Variants in NLRP10 observed in about 807,000 individuals in gnomAD.
The protein encoded by NLRP10 is NLR family pyrin domain containing 10, also known as NACHT, LRR and PYD domains-containing protein 10.
NLRP10 carries 7 observed loss-of-function variants against 8.2 expected under a neutral mutation model. That is an observed-to-expected ratio of 0.85 (90% CI 0.48 to 1.60). The LOEUF is 1.60. Ranked by LOEUF, NLRP10 falls within the 40% of genes most tolerant of loss-of-function variation. The probability of loss-of-function intolerance (pLI) is 0.00; values close to 1 mark genes in which losing one functional copy is unlikely to be tolerated. For synonymous variants in NLRP10, 338 were observed against 314.0 expected (o/e 1.08, Z -0.81); for missense variants, 814 against 776.3 (o/e 1.05, Z -0.58).
intron 1 of NLRP10, among the ~76,000 whole-genome samples, chr11:7,964,450 C>T (rs916774479): frequency 6.6e-6 from 1 of 152,198 alleles, no homozygotes; most frequent in Non-Finnish European, 1.5e-5. Flanking sequence ...GAAGAGGAAC[C>T]GCCACCTGTG....
chr11:7,961,221 T>G lies in NLRP10; in HGVS notation c.391A>C (p.Ser131Arg). Residue 131 changes from serine to arginine, a missense_variant, in exon 3 of 3, where the codon AGC becomes CGC. By Grantham distance (110) the Ser-to-Arg change is moderately radical (BLOSUM62 -1). Coordinates refer to ENST00000691676, the MANE Select transcript of NLRP10 (RefSeq NM_001391958.1). Reference protein sequence around the residue: ...YNQVLLVAKPSSESPESLACP... With the variant: ...YNQVLLVAKPRSESPESLACP... ...GCAAGTGATTCTGGGCTCTCTGAGC[T>G]GGGCTTGGCCACCAGGAGCACCTGG... is the stretch of plus-strand genomic sequence containing the variant. 6.2e-7 allele frequency: 1 copy of G among 1,613,744 alleles called. No homozygotes were observed. Among genetic ancestry groups the G allele is most frequent in the African/African-American group, 1.3e-5 (1 of 74,958 alleles).
rs1265021455 is a variant in NLRP10 at position 7,959,343 on chromosome 11, G to A, written c.*301C>T. 3.6e-6 allele frequency: 1 copy of A among 276,148 alleles called. No homozygotes were observed. Among genetic ancestry groups the A allele is most frequent in the Non-Finnish European group, 6.6e-6 (1 of 150,642 alleles). The allele number at this position is 276,148 out of a possible 1,614,324, so 17.1% of individuals were successfully genotyped here. Reference sequence around the variant, plus strand: ...GTAGCTTTATAGTAGGAAGAAGTTGGATAGCAGCACTCCTCCAACTTTGTT... The same window carrying A: ...GTAGCTTTATAGTAGGAAGAAGTTGAATAGCAGCACTCCTCCAACTTTGTT... On this transcript the variant is annotated 3_prime_UTR_variant, in exon 3 of 3. Coordinates refer to ENST00000691676, the MANE Select transcript of NLRP10 (RefSeq NM_001391958.1).
rs1466160746 is a variant in NLRP10 at position 7,963,395 on chromosome 11, T to C, written c.101A>G (p.Asp34Gly). Reference sequence around the variant, plus strand: ...GGGCTGGCCCTCAGACAGGGTCATATCCCGTAAGTAGAACTTTAACTTCTT... The same window carrying C: ...GGGCTGGCCCTCAGACAGGGTCATACCCCGTAAGTAGAACTTTAACTTCTT... ...DFKKLKFYLR[D>G]MTLSEGQPPL... is the part of the protein sequence containing the mutation. The change falls in exon 2 of 3, where the codon GAT (aspartate) becomes GGT (glycine). Residue 34 changes from aspartate (D) to glycine (G), a missense_variant. Transcript: ENST00000691676. The C allele has an allele frequency of 1.2e-6, 2 of 1,614,184 alleles. No individual in the cohort carries two copies. The highest frequency in any genetic ancestry group is 2.2e-5 in the South Asian group (2 of 91,084).
At chr11:7,962,682 C>T (rs983207923) in intron 2 of NLRP10, among the ~76,000 whole-genome samples, 8 of 152,064 alleles carry the variant, frequency 5.3e-5, no homozygotes, top group African/African-American at 1.9e-4. Flanking sequence ...TGGGAGGGAG[C>T]AAAGGCACCA....
At chr11:7,961,846 G>A (rs1941737309) in intron 2 of NLRP10, among the ~76,000 whole-genome samples, 1 of 152,302 alleles carries the variant, frequency 6.6e-6, no homozygotes, top group South Asian at 2.1e-4. Flanking sequence ...ATTTCAGGTT[G>A]AAATGTGATC....
Position 7,960,462 on chromosome 11 carries a change from T to C in NLRP10, c.1150A>G (p.Ile384Val). 6.2e-7 allele frequency: 1 copy of C among 1,614,148 alleles called. No individual in the cohort carries two copies. Among genetic ancestry groups the C allele is most frequent in the Non-Finnish European group, 8.5e-7 (1 of 1,180,036 alleles). The change falls in exon 3 of 3, where the codon ATC becomes GTC. Residue 384 changes from isoleucine to valine, a missense_variant. Transcript: ENST00000691676. The stretch of plus-strand genomic sequence containing the variant: ...AAGGTGGAGACGTAAGCCATGAAGA[T>C]GTCAGTGCTGTTTCTAGGTGTCTCT... ...VLETPRNSTD[I>V]FMAYVSTFLP...
chr11:7,959,543 T>A lies in NLRP10; in HGVS notation c.*101A>T, dbSNP rs188103365. ...TAACAATATTGAGTCTTTCTATTCA[T>A]GAACATGGAAAATCTTCCCATTCAT... On this transcript the variant is annotated 3_prime_UTR_variant, in exon 3 of 3. Coordinates refer to ENST00000691676, the MANE Select transcript of NLRP10 (RefSeq NM_001391958.1). 2 of 639,334 alleles carry A rather than the reference T, an allele frequency of 3.1e-6. No homozygotes were observed. The allele number at this position is 639,334 out of a possible 1,614,324, so 39.6% of individuals were successfully genotyped here.
intron 2 of NLRP10, among the ~76,000 whole-genome samples, chr11:7,962,788 A>G (rs1323288472): frequency 6.6e-6 from 1 of 152,112 alleles, no homozygotes; most frequent in Non-Finnish European, 1.5e-5. Context: ...TTGAGAGATC[A>G]GGGCCACAGA....
chr11:7,960,609 C>T lies in NLRP10; in HGVS notation c.1003G>A (p.Asp335Asn). The change falls in exon 3 of 3, where the codon GAC becomes AAC. Residue 335 changes from aspartate (D) to asparagine (N), a missense_variant. Transcript: ENST00000691676. ...SSYFTDEKQA[D>N]RAFDIVQKND... ...TTCTGTACAATGTCGAAGGCACGGT[C>T]AGCTTGCTTCTCATCCGTGAAATAG... is the stretch of plus-strand genomic sequence containing the variant. 6.2e-7 allele frequency: 1 copy of T among 1,614,208 alleles called. No homozygotes were observed. The highest frequency in any genetic ancestry group is 8.5e-7 in the Non-Finnish European group (1 of 1,180,040).
rs747466111 is a variant in NLRP10 at position 7,959,831 on chromosome 11, T to C, written c.1781A>G (p.Lys594Arg). 1.9e-6 allele frequency: 3 copies of C among 1,613,886 alleles called. No homozygotes were observed. The highest frequency in any genetic ancestry group is 1.3e-5 in the African/African-American group (1 of 74,904). The change falls in exon 3 of 3, where the codon AAG becomes AGG. Residue 594 changes from lysine to arginine, a missense_variant. Physicochemically the swap from Lys to Arg is conservative, Grantham distance 26. Coordinates refer to ENST00000691676, the MANE Select transcript of NLRP10 (RefSeq NM_001391958.1). Reference protein sequence around the residue: ...VSFKIKHSNEKKSQSQNLFSV... With the variant: ...VSFKIKHSNERKSQSQNLFSV... ...AAATAAATTCTGGCTCTGTGATTTCTTTTCATTTGAATGTTTTATCTTGAA... is the reference window on the plus strand; with the variant it reads ...AAATAAATTCTGGCTCTGTGATTTCCTTTCATTTGAATGTTTTATCTTGAA...
chr11:7,963,093 A>G, intron 2 of NLRP10, 114 bp downstream of exon 2: 1 of 1,026,734 alleles, frequency 9.7e-7, no homozygotes, highest in Non-Finnish European at 1.4e-6. Context: ...CAGGGACTAG[A>G]GGACAAGGTG....
rs1941688716 is a variant in NLRP10, at chr11:7,960,172, C to G, written c.1440G>C (p.Val480=). 1 of 1,614,186 alleles carries G rather than the reference C, an allele frequency of 6.2e-7. No individual in the cohort carries two copies. The highest frequency in any genetic ancestry group is 1.7e-5 in the Admixed American group (1 of 60,018). The change falls in exon 3 of 3, where the codon GTG becomes GTC. Residue 480 remains valine (V), a synonymous_variant. Transcript: ENST00000691676. ...QDFFHAMSYL[V]KEDQSRLGKE... ...TCCCCAGCCGGCTTTGGTCCTCTTT[C>G]ACCAGGTAAGACATGGCATGAAAAA...
In NLRP10 at chr11:7,963,199, A is replaced by C; in HGVS notation, c.289+8T>G. On this transcript the variant is annotated splice_region_variant and intron_variant, in intron 2 of 2. Coordinates refer to ENST00000691676, the MANE Select transcript of NLRP10 (RefSeq NM_001391958.1). ...TCCTGCCCTCCCCTTCCCCCGCTCC[A>C]CACTCACCATGCAGACAAATATGGC... 6.2e-7 allele frequency: 1 copy of C among 1,613,050 alleles called. No homozygotes were observed.
chr11:7,959,777 G>A lies in NLRP10; in HGVS notation c.1835C>T (p.Pro612Leu). The change falls in exon 3 of 3, where the codon CCT (proline) becomes CTT (leucine). Residue 612 changes from proline to leucine, a missense_variant. By Grantham distance (98) the Pro-to-Leu change is moderately conservative (BLOSUM62 -3). Transcript: ENST00000691676. ...FSVKSSLSHG[P>L]KEEQKCPSVH... ...AGAAGGACATTTTTGCTCCTCCTTAGGTCCATGACTCAAGCTGCTTTTGAC... is the reference window on the plus strand; with the variant it reads ...AGAAGGACATTTTTGCTCCTCCTTAAGTCCATGACTCAAGCTGCTTTTGAC... The A allele has an allele frequency of 1.9e-6, 3 of 1,613,530 alleles. No homozygotes were observed. Among genetic ancestry groups the A allele is most frequent in the Non-Finnish European group, 2.5e-6 (3 of 1,179,630 alleles).
In NLRP10 at chr11:7,963,376, G is replaced by C. The variant is rs1219415272; in HGVS notation, c.120C>G (p.Gly40=). The C allele has an allele frequency of 1.2e-6, 2 of 1,614,174 alleles. No individual in the cohort carries two copies. The highest frequency in any genetic ancestry group is 2.2e-5 in the East Asian group (1 of 44,872). The change falls in exon 2 of 3, where the codon GGC becomes GGG. Residue 40 remains glycine, a synonymous_variant. Transcript: ENST00000691676. ...ACTCCCCTCTGGCCAGTGGGGGCTGGCCCTCAGACAGGGTCATATCCCGTA... is the reference window on the plus strand; with the variant it reads ...ACTCCCCTCTGGCCAGTGGGGGCTGCCCCTCAGACAGGGTCATATCCCGTA... The part of the protein sequence containing the change: ...FYLRDMTLSE[G]QPPLARGELE...
rs1285607994 is a variant in NLRP10 at position 7,960,306 on chromosome 11, G to C, written c.1306C>G (p.His436Asp). 6.2e-7 allele frequency: 1 copy of C among 1,614,052 alleles called. No homozygotes were observed. The highest frequency in any genetic ancestry group is 8.5e-7 in the Non-Finnish European group (1 of 1,180,036). ...FLFEEAELRK[H>D]NLDGPRLAAF... ...GCAAGCCTGGGGCCATCTAAATTAT[G>C]TTTCCTGAGCTCAGCTTCTTCAAAT... The change falls in exon 3 of 3, where the codon CAT becomes GAT. Residue 436 changes from histidine to aspartate, a missense_variant. Transcript: ENST00000691676.
At position 7,960,272 on chromosome 11, in the gene NLRP10, A is replaced by G. The variant is rs755619010; in HGVS notation, c.1340T>C (p.Leu447Pro). ...TCCCAATTGGTAGTCGTTACTACTC[A>G]GGAAAGCGGCAAGCCTGGGGCCATC... ...NLDGPRLAAF[L>P]SSNDYQLGLA... Residue 447 changes from leucine to proline, a missense_variant, in exon 3 of 3, where the codon CTG becomes CCG. By Grantham distance (98) the Leu-to-Pro change is moderately conservative (BLOSUM62 -3). Coordinates refer to ENST00000691676, the MANE Select transcript of NLRP10 (RefSeq NM_001391958.1). The G allele has an allele frequency of 2.5e-6, 4 of 1,614,176 alleles. No individual in the cohort carries two copies. Among genetic ancestry groups the G allele is most frequent in the Non-Finnish European group, 3.4e-6 (4 of 1,180,022 alleles).
rs755209482 is a variant in NLRP10, at chr11:7,963,247, C to A, written c.249G>T (p.Leu83=). The change falls in exon 2 of 3, where the codon CTG becomes CTT. Residue 83 remains leucine (L), a synonymous_variant. Coordinates refer to ENST00000691676, the MANE Select transcript of NLRP10 (RefSeq NM_001391958.1). ...VVLKGLKVMN[L]LELVDQLSHI... ...GGCTGAGCTGGTCCACAAGTTCCAACAGGTTCATGACCTTCAAGCCCTTGA... is the reference window on the plus strand; with the variant it reads ...GGCTGAGCTGGTCCACAAGTTCCAAAAGGTTCATGACCTTCAAGCCCTTGA... 2.5e-6 allele frequency: 4 copies of A among 1,614,226 alleles called. No individual in the cohort carries two copies. Among genetic ancestry groups the A allele is most frequent in the Non-Finnish European group, 3.4e-6 (4 of 1,180,036 alleles).
intron 1 of NLRP10, among the ~76,000 whole-genome samples, chr11:7,964,788 G>A (rs112849566): frequency 5.3e-5 from 8 of 152,352 alleles, no homozygotes; most frequent in African/African-American, 1.9e-4. Context: ...TGTTTCTAAT[G>A]TAGAACCAAA....
Sources: allele counts gnomAD v4.1 joint callset (sites outside exome capture counted in the v4.1 genomes callset), GRCh38; gene constraint gnomAD v4.1.1; transcripts MANE v1.5; gene names NCBI Gene and HGNC (gene_info 2026-07-23, HGNC 2026-07-21).